Variants in ATAD2 observed in about 807,000 individuals in gnomAD.
ATAD2 encodes the protein ATPase family AAA domain containing 2, also known as ATPase family AAA domain-containing protein 2.
ATAD2 carries 62 observed loss-of-function variants against 168.9 expected under a neutral mutation model. The ratio of observed to expected loss-of-function variants is 0.37; its 90% CI spans 0.30 to 0.45. The LOEUF (loss-of-function observed/expected upper bound fraction) is 0.45. Among genes scored for constraint, ATAD2 ranks in the 20% least tolerant of loss-of-function variants. The probability of loss-of-function intolerance (pLI) is 1.00; values close to 1 mark genes in which losing one functional copy is unlikely to be tolerated. For missense variants in ATAD2, 1,419 were observed against 1,667.8 expected (o/e 0.85, Z 2.60); for synonymous variants, 613 against 571.6 (o/e 1.07, Z -1.03).
At chr8:123,349,156 G>A (rs1828364416) in intron 14 of ATAD2, 129 bp downstream of exon 14, 1 of 878,496 alleles carries the variant, frequency 1.1e-6, no homozygotes, top group Non-Finnish European at 1.7e-6. Flanking sequence ...CCCCATTTGA[G>A]TTGTTTACTA....
chr8:123,401,923 T>C, intron 1 of ATAD2: 3 of 780,320 alleles, frequency 3.8e-6, no homozygotes, highest in Non-Finnish European at 7.0e-6. Flanking sequence ...AAGGGTCCAT[T>C]CAGAAGTTTG....
At chr8:123,336,578 T>C (rs1369539717) in intron 21 of ATAD2, 46 bp from the exon 22 acceptor site, 3 of 1,419,356 alleles carry the variant, frequency 2.1e-6, no homozygotes, top group African/African-American at 1.5e-5. Context: ...ACTCTAAACA[T>C]AACATGTGAG....
chr8:123,390,882 GC>G (rs1213447460), intron 1 of ATAD2, among the ~76,000 whole-genome samples: 1 of 152,082 alleles, frequency 6.6e-6, no homozygotes, highest in Non-Finnish European at 1.5e-5. Context: ...GGTGGCAGGC[GC>G]CTGTAATTGG....
chr8:123,371,019 C>T (rs1374092374), intron 5 of ATAD2, 29 bp from the exon 6 acceptor site: 6 of 1,468,796 alleles, frequency 4.1e-6, no homozygotes, highest in East Asian at 2.3e-5. Flanking sequence ...AAGCCATTAA[C>T]ATTTGGAATC....
intron 19 of ATAD2, among the ~76,000 whole-genome samples, chr8:123,339,869 C>T (rs984032598): frequency 2.0e-5 from 3 of 151,782 alleles, no homozygotes; most frequent in African/African-American, 7.3e-5. Context: ...AAGGAACTGA[C>T]TTGATGATAT....
chr8:123,401,830 GAGC>G, intron 1 of ATAD2: 1 of 758,950 alleles, frequency 1.3e-6, no homozygotes, highest in East Asian at 2.4e-5. Context: ...CCATGGAGAA[GAGC>G]AGCAGCAGCC....
At chr8:123,410,523 G>A (rs1033763984) in intron 1 of ATAD2, among the ~76,000 whole-genome samples, 1 of 132,518 alleles carries the variant, frequency 7.5e-6, no homozygotes, top group African/African-American at 2.8e-5. Flanking sequence ...CTGACGTCAA[G>A]TGATCCACCC....
chr8:123,361,552 T>C lies in ATAD2; in HGVS notation c.1144A>G (p.Arg382Gly). 6.2e-7 allele frequency: 1 copy of C among 1,613,074 alleles called. No homozygotes were observed. The highest frequency in any genetic ancestry group is 8.5e-7 in the Non-Finnish European group (1 of 1,179,204). ...FERRRKRSRN[R>G]AINRCLPLNF... is the part of the protein sequence containing the mutation. The stretch of plus-strand genomic sequence containing the variant: ...TATGGCACTTACCTATTGATAGCCC[T>C]ATTACGACTCCTTTTCCTCCGCCTC... Residue 382 changes from arginine to glycine, a missense_variant, in exon 9 of 28, where the codon AGG becomes GGG. Physicochemically the swap from Arg to Gly is moderately radical, Grantham distance 125. Around this residue, in one of 5 missense-constraint regions of ATAD2, gnomAD observed 146 missense variants for 188.3 expected, o/e 0.78. Transcript: ENST00000287394.
In ATAD2 at chr8:123,402,862, A is replaced by G. The variant is rs186115755; in HGVS notation, c.-2281-1687T>C. On this transcript the variant is annotated intron_variant, in intron 1 of 28. Transcript: ENST00000521903. This position sits in a 1 kb window ranked among gnomAD's most constrained non-coding sequence, Gnocchi z 4.8. ...AATAATAAAAATCAACACACTACAC[A>G]CAGCTTCAGGTGCCTCCTCTAAAGA... is the stretch of plus-strand genomic sequence containing the variant. Among the ~76,000 whole-genome samples, 454 of 152,136 alleles carry G rather than the reference A, an allele frequency of 3.0e-3. 2 individuals carry two copies. The highest frequency in any genetic ancestry group is 0.02 in the Middle Eastern group (6 of 294).
At chr8:123,326,591 T>A (rs562572658) in intron 25 of ATAD2, among the ~76,000 whole-genome samples, 1 of 151,838 alleles carries the variant, frequency 6.6e-6, no homozygotes, top group South Asian at 2.1e-4. Context: ...GGTTTGAGGA[T>A]CGTTTGAGCC....
chr8:123,320,450 A>C lies in ATAD2; in HGVS notation c.*684T>G, dbSNP rs1827435339. 1 of 152,204 alleles carries C rather than the reference A, an allele frequency of 6.6e-6. No individual in the cohort carries two copies. The highest frequency in any genetic ancestry group is 1.9e-4 in the East Asian group (1 of 5,206). 9.4% of individuals were successfully genotyped at this position (152,204 alleles called of 1,614,324 possible). A position where few individuals can be genotyped will look rare whatever the true frequency, so the allele number is the denominator to read the frequency against. ...TTGTGCTATTAAAAGGTGTTTAACA[A>C]GGTAGTTATTAATACATTTGTTGTG... On this transcript the variant is annotated 3_prime_UTR_variant, in exon 28 of 28. Coordinates refer to ENST00000287394, the MANE Select transcript of ATAD2 (RefSeq NM_014109.4).
intron 26 of ATAD2, among the ~76,000 whole-genome samples, 161 bp downstream of exon 26, chr8:123,325,732 T>G (rs537991282): frequency 1.3e-5 from 2 of 152,270 alleles, no homozygotes; most frequent in African/African-American, 4.8e-5. Context: ...AGTCTTAATT[T>G]GGAACAGGGG....
intron 24 of ATAD2, among the ~76,000 whole-genome samples, chr8:123,333,029 T>C (rs1293636061): frequency 2.0e-5 from 3 of 151,522 alleles, no homozygotes; most frequent in Non-Finnish European, 4.4e-5. Context: ...TGCAATACAA[T>C]AGAAGGTTCA....
In ATAD2 at chr8:123,369,924, A is replaced by T. The variant is rs138100797; in HGVS notation, c.828T>A (p.Asp276Glu). The T allele has an allele frequency of 3.4e-5, 52 of 1,550,590 alleles. No homozygotes were observed. The East Asian group carries it at 3.4e-4, about 10-fold the overall frequency. Residue 276 changes from aspartate to glutamate, a missense_variant, in exon 7 of 28, where the codon GAT (aspartate) becomes GAA (glutamate). Physicochemically the swap from Asp to Glu is conservative, Grantham distance 45. Coordinates refer to ENST00000287394, the MANE Select transcript of ATAD2 (RefSeq NM_014109.4). ...DDDDDDDDDD[D>E]DEDDEDEEDG... is the part of the protein sequence containing the mutation. ...CTTCTTCATCTTCATCATCTTCATC[A>T]TCATCATCATCATCATCATCGTCAT...
chr8:123,412,357 A>G (rs1457585530), intron 1 of ATAD2, among the ~76,000 whole-genome samples: 1 of 152,208 alleles, frequency 6.6e-6, no homozygotes, highest in Non-Finnish European at 1.5e-5. Flanking sequence ...ATTTATGCCA[A>G]CTACAATGCT....
At chr8:123,364,056 G>T (rs934602120) in intron 8 of ATAD2, among the ~76,000 whole-genome samples, 1 of 152,052 alleles carries the variant, frequency 6.6e-6, no homozygotes, top group South Asian at 2.1e-4. Flanking sequence ...CATTTGATTT[G>T]CAAAATGGAG....
chr8:123,389,960 T>TTACA (rs1829770019), intron 1 of ATAD2, among the ~76,000 whole-genome samples: 1 of 94,060 alleles, frequency 1.1e-5, no homozygotes, highest in Admixed American at 1.4e-4. Flanking sequence ...TACTATTATT[T>TTACA]TATATATATA....
intron 15 of ATAD2, 76 bp from the exon 16 acceptor site, chr8:123,347,482 T>C (rs1030500398): frequency 7.4e-7 from 1 of 1,350,486 alleles, no homozygotes. Context: ...AGCATGACCA[T>C]GGTTAAAAAA....
intron 1 of ATAD2, among the ~76,000 whole-genome samples, chr8:123,388,095 C>A (rs1180284149): frequency 6.6e-6 from 1 of 152,214 alleles, no homozygotes; most frequent in Non-Finnish European, 1.5e-5. Context: ...AACTTAGTTT[C>A]TACCTCCACA....
Sources: allele counts gnomAD v4.1 joint callset (sites outside exome capture counted in the v4.1 genomes callset), GRCh38; gene constraint gnomAD v4.1.1; regional missense constraint gnomAD v4.1.1; non-coding constraint Gnocchi (gnomAD v3.1); transcripts MANE v1.5; gene names NCBI Gene and HGNC (gene_info 2026-07-23, HGNC 2026-07-21).